SYCP2L: variants seen among roughly 807,000 people sequenced by gnomAD.
The protein encoded by SYCP2L is synaptonemal complex protein 2 like, also known as synaptonemal complex protein 2-like.
Under a neutral mutation model 125.8 loss-of-function variants are expected in SYCP2L, and 98 were observed. The observed-to-expected ratio is 0.78, with a 90% CI of 0.66 to 0.92. SYCP2L has a LOEUF of 0.92. Ranked by LOEUF, SYCP2L falls within the 40% of genes least tolerant of loss-of-function variation. The pLI, the probability that SYCP2L is intolerant of heterozygous loss-of-function variation, is 0.00. For synonymous variants in SYCP2L, 317 were observed against 325.4 expected (o/e 0.97, Z 0.28); for missense variants, 842 against 936.4 (o/e 0.90, Z 1.32).
At chr6:10,942,830 T>C in intron 23 of SYCP2L, 84 bp downstream of exon 23, 1 of 1,265,384 alleles carries the variant, frequency 7.9e-7, no homozygotes, top group South Asian at 1.4e-5. Flanking sequence ...GTTACTCAGA[T>C]TGCAGATCAA....
chr6:10,889,385 A>T (rs1428343013), intron 1 of SYCP2L, among the ~76,000 whole-genome samples: 2 of 152,216 alleles, frequency 1.3e-5, no homozygotes, highest in African/African-American at 2.4e-5. Context: ...AATTATGCAT[A>T]TCCATCACCT....
chr6:10,924,617 T>G lies in SYCP2L; in HGVS notation c.1194T>G (p.Ile398Met). ...AGTTCAACATATCACAAGTTTCCAT[T>G]CAAGCTTTAGGAGAAGACAAACAGG... ...DLQFNISQVSIQALGEDKQML... is the reference protein window; with the variant it reads ...DLQFNISQVSMQALGEDKQML... The change falls in exon 15 of 30, where the codon ATT becomes ATG. Residue 398 changes from isoleucine (I) to methionine (M), a missense_variant. Ile to Met is a conservative substitution (Grantham distance 10). Coordinates refer to ENST00000283141, the MANE Select transcript of SYCP2L (RefSeq NM_001040274.3). 1 of 1,586,578 alleles carries G rather than the reference T, an allele frequency of 6.3e-7. No individual in the cohort carries two copies. Among genetic ancestry groups the G allele is most frequent in the African/African-American group, 1.4e-5 (1 of 73,322 alleles).
chr6:10,930,604 C>T, intron 19 of SYCP2L, 90 bp downstream of exon 19: 1 of 1,411,774 alleles, frequency 7.1e-7, no homozygotes, highest in Non-Finnish European at 9.6e-7. Context: ...GGGAGTGGGT[C>T]CAAAGAAATA....
intron 14 of SYCP2L, among the ~76,000 whole-genome samples, chr6:10,916,698 C>T (rs1780700052): frequency 6.6e-6 from 1 of 152,098 alleles, no homozygotes; most frequent in Admixed American, 6.6e-5. Context: ...GATATAATTT[C>T]AACTTTCTAG....
chr6:10,947,572 G>A (rs565343816), intron 23 of SYCP2L, among the ~76,000 whole-genome samples: 5 of 151,970 alleles, frequency 3.3e-5, no homozygotes, highest in East Asian at 1.9e-4. Flanking sequence ...AAAGTAGAGC[G>A]ATACTGTTAA....
chr6:10,893,823 A>G, intron 2 of SYCP2L, 44 bp from the exon 3 acceptor site: 3 of 1,589,442 alleles, frequency 1.9e-6, no homozygotes, highest in South Asian at 1.2e-5. Context: ...TATAAAATAA[A>G]TGTTCTTGGG....
At chr6:10,906,564 C>G (rs945643237) in intron 9 of SYCP2L, among the ~76,000 whole-genome samples, 1 of 151,412 alleles carries the variant, frequency 6.6e-6, no homozygotes, top group Non-Finnish European at 1.5e-5. Context: ...CTGTGAAATA[C>G]TACAAGTTAT....
chr6:10,899,021 A>G lies in SYCP2L; in HGVS notation c.466+173A>G, dbSNP rs9467852. Among the ~76,000 whole-genome samples, 42,703 of 152,050 alleles carry G rather than the reference A, an allele frequency of 0.28. 6,961 individuals carry two copies. Among genetic ancestry groups the G allele is most frequent in the East Asian group, 0.53 (2,723 of 5,158 alleles). ...CATTTGGAAATGCATTTCATTGTAG[A>G]AAAAAGTCTTGTATTTGTCTGAGAA... On this transcript the variant is annotated intron_variant, in intron 6 of 29. Transcript: ENST00000283141.
At chr6:10,969,705 C>G (rs1253964941) in intron 29 of SYCP2L, among the ~76,000 whole-genome samples, 1 of 151,874 alleles carries the variant, frequency 6.6e-6, no homozygotes, top group East Asian at 1.9e-4. Context: ...TGCAAAGATA[C>G]GTGCAATAAT....
intron 23 of SYCP2L, among the ~76,000 whole-genome samples, chr6:10,948,410 A>G (rs1012916876): frequency 2.6e-5 from 4 of 152,162 alleles, no homozygotes; most frequent in Admixed American, 6.5e-5. Flanking sequence ...ACACAGACCA[A>G]TGCTGCATAG....
rs148753631 is a variant in SYCP2L at position 10,896,722 on chromosome 6, C to T, written c.337-1289C>T. On this transcript the variant is annotated intron_variant, in intron 4 of 29. Transcript: ENST00000283141. ...AAACCTTGCTGTACATTACAGTCAC[C>T]TGGAGAGCTCTCACAAACGTTCTTA... 9.2e-5 allele frequency among the ~76,000 whole-genome samples: 14 copies of T among 152,282 alleles called. No homozygotes were observed. The East Asian group carries it at 2.5e-3, about 27-fold the overall frequency.
At position 10,958,884 on chromosome 6, in the gene SYCP2L, T is replaced by C. The variant is rs1230860033; in HGVS notation, c.2255+9T>C. 1 of 1,613,408 alleles carries C rather than the reference T, an allele frequency of 6.2e-7. No individual in the cohort carries two copies. The highest frequency in any genetic ancestry group is 1.1e-5 in the South Asian group (1 of 91,028). On this transcript the variant is annotated intron_variant, in intron 26 of 29. Coordinates refer to ENST00000283141, the MANE Select transcript of SYCP2L (RefSeq NM_001040274.3). The stretch of plus-strand genomic sequence containing the variant: ...CAGATGCAACTGTTCAGGTAAGTTT[T>C]AGGTTTCAAAACAAGGTCGTGGAAG...
At chr6:10,971,012 G>T (rs182985626) in intron 29 of SYCP2L, among the ~76,000 whole-genome samples, 1 of 152,162 alleles carries the variant, frequency 6.6e-6, no homozygotes, top group East Asian at 1.9e-4. Context: ...GGCGGTTACC[G>T]AGGATCAGAG....
In SYCP2L at chr6:10,899,203, A is replaced by C. The variant is rs1780336061; in HGVS notation, c.466+355A>C. Among the ~76,000 whole-genome samples the C allele has an allele frequency of 2.0e-5, 3 of 152,180 alleles. No individual in the cohort carries two copies. In the South Asian group the frequency reaches 6.2e-4, roughly 31 times the overall value. On this transcript the variant is annotated intron_variant, in intron 6 of 29. Transcript: ENST00000283141. Reference sequence around the variant, plus strand: ...TGTCTTTCAAGAGTGTAAAAGGTAAAATTTTAGAAACTTTGGAGGATAGAT... The same window carrying C: ...TGTCTTTCAAGAGTGTAAAAGGTAACATTTTAGAAACTTTGGAGGATAGAT...
intron 21 of SYCP2L, among the ~76,000 whole-genome samples, chr6:10,940,023 T>C (rs959111422): frequency 8.5e-5 from 13 of 152,132 alleles, no homozygotes; most frequent in African/African-American, 3.1e-4. Flanking sequence ...TAATTAAAAA[T>C]GGGTAAAGAA....
chr6:10,919,971 G>A (rs1403845791), intron 14 of SYCP2L, among the ~76,000 whole-genome samples: 1 of 152,152 alleles, frequency 6.6e-6, no homozygotes, highest in African/African-American at 2.4e-5. Context: ...CAATGGGTGA[G>A]CAAGAAAGCA....
intron 1 of SYCP2L, among the ~76,000 whole-genome samples, chr6:10,890,992 AAG>A (rs1780162873): frequency 1.3e-5 from 2 of 152,204 alleles, no homozygotes; most frequent in African/African-American, 4.8e-5. Flanking sequence ...GGCTATAAAA[AAG>A]TAGATTTATT....
At chr6:10,937,711 A>G (rs1472237948) in intron 21 of SYCP2L, among the ~76,000 whole-genome samples, 4 of 152,160 alleles carry the variant, frequency 2.6e-5, no homozygotes, top group Non-Finnish European at 4.4e-5. Flanking sequence ...CTCAAAAAAA[A>G]CTGTTAATGA....
chr6:10,928,591 C>A, intron 18 of SYCP2L, 141 bp downstream of exon 18: 1 of 1,228,590 alleles, frequency 8.1e-7, no homozygotes, highest in Non-Finnish European at 1.1e-6. Flanking sequence ...TAAGACAAGG[C>A]CTTGTTCTGT....
Sources: allele counts gnomAD v4.1 joint callset (sites outside exome capture counted in the v4.1 genomes callset), GRCh38; gene constraint gnomAD v4.1.1; transcripts MANE v1.5; gene names NCBI Gene and HGNC (gene_info 2026-07-23, HGNC 2026-07-21).